CCDC171: variants seen among roughly 807,000 people sequenced by gnomAD.
The protein encoded by CCDC171 is coiled-coil domain containing 171.
In CCDC171, 177 loss-of-function variants were observed where a neutral mutation model predicts 168.2. The observed-to-expected ratio is 1.05, with a 90% CI of 0.93 to 1.19. CCDC171 has a LOEUF of 1.19. Ranked by LOEUF, CCDC171 falls within the 50% of genes most tolerant of loss-of-function variation. The pLI is 0.00. For missense variants in CCDC171, 1,991 were observed against 1,539.0 expected (o/e 1.29, Z -4.91); for synonymous variants, 687 against 540.8 (o/e 1.27, Z -3.75).
In CCDC171 at chr9:15,591,493, A is replaced by G. The variant is rs1364039379; in HGVS notation, c.480A>G (p.Gln160=). 15 of 1,607,130 alleles carry G rather than the reference A, an allele frequency of 9.3e-6. No individual in the cohort carries two copies. Among genetic ancestry groups the G allele is most frequent in the Middle Eastern group, 1.7e-4 (1 of 6,010 alleles). Residue 160 remains glutamine (Q), a synonymous_variant, in exon 5 of 26, where the codon CAA becomes CAG. Coordinates refer to ENST00000380701, the MANE Select transcript of CCDC171 (RefSeq NM_173550.4). The part of the protein sequence containing the change: ...HDLEERDNMI[Q]NCNREYDLLM... ...TGGAGGAAAGAGACAATATGATCCA[A>G]AATTGCAATCGAGAATATGATTTAC...
intron 11 of CCDC171, among the ~76,000 whole-genome samples, chr9:15,720,149 A>G (rs186979487): frequency 1.3e-5 from 2 of 152,212 alleles, no homozygotes; most frequent in African/African-American, 4.8e-5. Flanking sequence ...TACCTTGATA[A>G]ATGTCATAAA....
chr9:15,927,537 T>G (rs1826028482), intron 25 of CCDC171, among the ~76,000 whole-genome samples: 1 of 151,744 alleles, frequency 6.6e-6, no homozygotes, highest in Non-Finnish European at 1.5e-5. Context: ...AAGCAGTATG[T>G]TTTTAATTTT....
chr9:15,632,876 T>C lies in CCDC171; in HGVS notation c.822+9463T>C, dbSNP rs568782405. On this transcript the variant is annotated intron_variant, in intron 7 of 25. Coordinates refer to ENST00000380701, the MANE Select transcript of CCDC171 (RefSeq NM_173550.4). ...ACTCTGAAATAATGCCGCATATCTA[T>C]GACTATCTGATCTTTGACAAACCTG... Among the ~76,000 whole-genome samples the C allele has an allele frequency of 9.9e-5, 15 of 152,082 alleles. No homozygotes were observed. The East Asian group carries it at 1.4e-3, about 14-fold the overall frequency.
chr9:15,846,617 ATTC>A, intron 21 of CCDC171, 82 bp from the exon 22 acceptor site: 2 of 1,403,796 alleles, frequency 1.4e-6, no homozygotes, highest in African/African-American at 1.4e-5. Context: ...GTCAGTCTGT[ATTC>A]TTCTTTGTTT....
chr9:15,866,160 A>G (rs1446168595), intron 23 of CCDC171, among the ~76,000 whole-genome samples: 2 of 151,962 alleles, frequency 1.3e-5, no homozygotes, highest in Non-Finnish European at 2.9e-5. Context: ...TTGCCATGCT[A>G]AGAGCCTTGG....
rs1337318968 is a variant in CCDC171, at chr9:15,666,168, G to C, written c.921G>C (p.Arg307=). The C allele has an allele frequency of 6.2e-7, 1 of 1,613,272 alleles. No homozygotes were observed. The highest frequency in any genetic ancestry group is 8.5e-7 in the Non-Finnish European group (1 of 1,179,766). The stretch of plus-strand genomic sequence containing the variant: ...ACTTGTCTGTCGTCCGGTAGTTACG[G>C]ATTCGAGACCTTGAAGGAGCTTTGC... ...SKFNSEIIQL[R]IRDLEGALQV... Residue 307 remains arginine, a synonymous_variant, in exon 9 of 26, where the codon CGG becomes CGC. Coordinates refer to ENST00000380701, the MANE Select transcript of CCDC171 (RefSeq NM_173550.4).
intron 25 of CCDC171, among the ~76,000 whole-genome samples, chr9:15,953,591 A>C (rs1229237655): frequency 6.6e-6 from 1 of 151,952 alleles, no homozygotes; most frequent in Non-Finnish European, 1.5e-5. Flanking sequence ...TATTTTGTTG[A>C]GGATTTTTGG....
At chr9:15,691,241 A>G (rs901582708) in intron 10 of CCDC171, among the ~76,000 whole-genome samples, 2 of 152,056 alleles carry the variant, frequency 1.3e-5, no homozygotes, top group African/African-American at 2.4e-5. Flanking sequence ...TTTATGGTAC[A>G]TCTGACCAAT....
chr9:15,864,008 T>A (rs1232367845), intron 23 of CCDC171, among the ~76,000 whole-genome samples: 2 of 152,096 alleles, frequency 1.3e-5, no homozygotes, highest in African/African-American at 4.8e-5. Context: ...GCAACTGAAG[T>A]CTCTGTTGGC....
At chr9:15,746,380 C>A (rs932687211) in intron 18 of CCDC171, among the ~76,000 whole-genome samples, 7 of 152,160 alleles carry the variant, frequency 4.6e-5, no homozygotes, top group African/African-American at 1.7e-4. Flanking sequence ...TTTCAAATAT[C>A]TAAACCTAGA....
the CCDC171 span, among the ~76,000 whole-genome samples, chr9:16,085,801 A>C: frequency 1.3e-5 from 2 of 152,242 alleles, no homozygotes; most frequent in Non-Finnish European, 2.9e-5. Flanking sequence ...TGTGAGACCT[A>C]GTCTGTATGA....
At chr9:15,884,627 C>T (rs540538421) in intron 24 of CCDC171, among the ~76,000 whole-genome samples, 1 of 152,194 alleles carries the variant, frequency 6.6e-6, no homozygotes, top group Admixed American at 6.5e-5. Flanking sequence ...TGTGGAGAGT[C>T]AGAATGCCTG....
intron 21 of CCDC171, among the ~76,000 whole-genome samples, chr9:15,831,774 T>C (rs956017208): frequency 1.4e-5 from 2 of 146,398 alleles, no homozygotes; most frequent in African/African-American, 2.7e-5. Context: ...AGTAACTACT[T>C]TACCTTGAAA....
chr9:15,704,897 C>T (rs1393944164), intron 11 of CCDC171, among the ~76,000 whole-genome samples: 2 of 152,100 alleles, frequency 1.3e-5, no homozygotes, highest in Non-Finnish European at 2.9e-5. Context: ...TGGGGTCTCT[C>T]TGCTTCCACC....
At chr9:15,665,881 T>C (rs2048698588) in intron 8 of CCDC171, among the ~76,000 whole-genome samples, 1 of 152,256 alleles carries the variant, frequency 6.6e-6, no homozygotes, top group East Asian at 1.9e-4. Flanking sequence ...GATTGAGTTG[T>C]ATCTACATAT....
intron 1 of CCDC171, among the ~76,000 whole-genome samples, chr9:15,556,127 G>A (rs1235638776): frequency 2.0e-5 from 3 of 152,116 alleles, no homozygotes; most frequent in African/African-American, 7.2e-5. Flanking sequence ...TATGGTGAAT[G>A]GTGCCGCAAT....
chr9:15,955,854 GTA>G (rs1275746513), intron 25 of CCDC171, among the ~76,000 whole-genome samples: 4 of 152,128 alleles, frequency 2.6e-5, no homozygotes, highest in African/African-American at 9.7e-5. Context: ...AGACGTGTGT[GTA>G]TGTGTGTGTG....
At chr9:15,574,094 G>T (rs1043812185) in intron 3 of CCDC171, among the ~76,000 whole-genome samples, 4 of 151,550 alleles carry the variant, frequency 2.6e-5, no homozygotes. Context: ...TTCAACTCCA[G>T]ATTTATATTA....
intron 6 of CCDC171, among the ~76,000 whole-genome samples, chr9:16,023,590 G>A (rs1316119407): frequency 6.6e-6 from 1 of 152,216 alleles, no homozygotes; most frequent in Non-Finnish European, 1.5e-5. Flanking sequence ...CAGCCAAGAT[G>A]TTTGCATGAA....
Sources: gnomAD v4.1 joint callset for allele counts (sites outside exome capture counted in the v4.1 genomes callset) on GRCh38, gnomAD v4.1.1 for gene constraint, MANE v1.5 for transcripts, NCBI Gene and HGNC (gene_info 2026-07-23, HGNC 2026-07-21) for gene names.